ZNF333: variants seen among roughly 807,000 people sequenced by gnomAD.
ZNF333 encodes the protein zinc finger protein 333.
In ZNF333, 61 loss-of-function variants were observed where a neutral mutation model predicts 76.1. The observed-to-expected ratio is 0.80, with a 90% CI of 0.65 to 0.99. The LOEUF is 0.99. Ranked by LOEUF, ZNF333 falls within the 50% of genes least tolerant of loss-of-function variation. ZNF333 has a pLI of 0.00. For missense variants in ZNF333, 717 were observed against 822.4 expected (o/e 0.87, Z 1.57); for synonymous variants, 284 against 305.0 (o/e 0.93, Z 0.72).
At chr19:14,709,929 C>A (rs1184889104) in intron 7 of ZNF333, among the ~76,000 whole-genome samples, 1 of 152,210 alleles carries the variant, frequency 6.6e-6, no homozygotes, top group South Asian at 2.1e-4. Context: ...CTGACCTAGA[C>A]CATGATAAAT....
intron 9 of ZNF333, 103 bp downstream of exon 9, chr19:14,716,341 C>T: frequency 2.2e-6 from 3 of 1,359,520 alleles, no homozygotes; most frequent in East Asian, 2.4e-5. Flanking sequence ...TCACTGCAAC[C>T]TCCGCTTCCT....
rs1295519566 is a variant in ZNF333 at position 14,719,543 on chromosome 19, CTT to C, written c.*219_*220del. On this transcript the variant is annotated 3_prime_UTR_variant, in exon 12 of 12. Coordinates refer to ENST00000292530, the MANE Select transcript of ZNF333 (RefSeq NM_032433.4). ...ATATATTTTCATAGAGGTATAATGA[CTT>C]ATAGTGAAATGCATACATCTGAAGT... The C allele has an allele frequency of 1.8e-6, 2 of 1,091,012 alleles. No homozygotes were observed. Among genetic ancestry groups the C allele is most frequent in the African/African-American group, 1.6e-5 (1 of 62,572 alleles). 67.6% of individuals were successfully genotyped at this position (1,091,012 alleles called of 1,614,324 possible).
rs55742444 is a variant in ZNF333 at position 14,696,731 on chromosome 19, CTTT to C, written c.223+1093_223+1095del. Among the ~76,000 whole-genome samples, 606 of 82,730 alleles carry C rather than the reference CTTT, an allele frequency of 7.3e-3. 6 individuals carry two copies. Among genetic ancestry groups the C allele is most frequent in the African/African-American group, 0.022 (433 of 19,656 alleles). 54.3% of individuals were successfully genotyped at this position (82,730 alleles called of 152,430 possible). A position where few individuals can be genotyped will look rare whatever the true frequency, so the allele number is the denominator to read the frequency against. On this transcript the variant is annotated intron_variant, in intron 4 of 11. Transcript: ENST00000292530. ...GGCAGATTCCTCGTGACCTAATCAC[CTTT>C]TTTTTTTTTTTTTTTTTTTTTTGGG... is the stretch of plus-strand genomic sequence containing the variant.
Position 14,719,350 on chromosome 19 carries a change from A to C in ZNF333, c.*25A>C. On this transcript the variant is annotated 3_prime_UTR_variant, in exon 12 of 12. Coordinates refer to ENST00000292530, the MANE Select transcript of ZNF333 (RefSeq NM_032433.4). ...ACTTCCATTTTGTAAAAATATAAAC[A>C]CATGGGGCTATGACTTTCCCTCGTA... The C allele has an allele frequency of 6.4e-7, 1 of 1,570,670 alleles. No individual in the cohort carries two copies. Among genetic ancestry groups the C allele is most frequent in the Non-Finnish European group, 8.6e-7 (1 of 1,159,934 alleles).
chr19:14,703,701 G>A (rs770043700), intron 5 of ZNF333, among the ~76,000 whole-genome samples: 4 of 152,204 alleles, frequency 2.6e-5, no homozygotes, highest in Non-Finnish European at 5.9e-5. Flanking sequence ...AAACCACTCA[G>A]GATTTGTCAG....
intron 7 of ZNF333, among the ~76,000 whole-genome samples, chr19:14,710,809 A>G (rs1170251529): frequency 6.6e-6 from 1 of 152,108 alleles, no homozygotes; most frequent in Admixed American, 6.5e-5. Context: ...AAAGTAAATA[A>G]AAGAAGTGTA....
chr19:14,693,550 T>G, intron 2 of ZNF333, 56 bp downstream of exon 2: 1 of 1,554,678 alleles, frequency 6.4e-7, no homozygotes, highest in East Asian at 2.3e-5. Context: ...GATAACTATG[T>G]CCTCTGGGCC....
intron 7 of ZNF333, among the ~76,000 whole-genome samples, chr19:14,713,322 C>G (rs542520454): frequency 6.6e-6 from 1 of 152,272 alleles, no homozygotes; most frequent in African/African-American, 2.4e-5. Flanking sequence ...AGGCCTGGAA[C>G]AAATCCTCTA....
At chr19:14,698,905 T>TATATAG (rs1555771056) in intron 4 of ZNF333, among the ~76,000 whole-genome samples, 5 of 15,506 alleles carry the variant, frequency 3.2e-4, no homozygotes, top group Admixed American at 2.8e-3. Flanking sequence ...TATAGATATA[T>TATATAG]ATATATATAT....
chr19:14,697,002 G>A (rs377744695), intron 4 of ZNF333, among the ~76,000 whole-genome samples: 14 of 152,126 alleles, frequency 9.2e-5, no homozygotes, highest in African/African-American at 3.1e-4. Context: ...CTCACAAAAT[G>A]CTGGGATTAC....
Position 14,720,225 on chromosome 19 carries a change from CCTT to C in ZNF333, c.*904_*906del. 1 of 985,302 alleles carries C rather than the reference CCTT, an allele frequency of 1.0e-6. No homozygotes were observed. The highest frequency in any genetic ancestry group is 1.2e-6 in the Non-Finnish European group (1 of 829,902). The allele number at this position is 985,302 out of a possible 1,614,324, so 61.0% of individuals were successfully genotyped here. On this transcript the variant is annotated 3_prime_UTR_variant, in exon 12 of 12. Coordinates refer to ENST00000292530, the MANE Select transcript of ZNF333 (RefSeq NM_032433.4). ...TAAAAAAAAGCTTCCATCTCCCAGCCCTTCTTGCAAGCAAGGGCAGGCCATTTC... is the reference window on the plus strand; with the variant it reads ...TAAAAAAAAGCTTCCATCTCCCAGCCCTTGCAAGCAAGGGCAGGCCATTTC...
intron 9 of ZNF333, 34 bp from the exon 10 acceptor site, chr19:14,716,960 C>G (rs2042448606): frequency 1.3e-6 from 2 of 1,579,154 alleles, no homozygotes; most frequent in African/African-American, 2.7e-5. Flanking sequence ...ATGGCACAGT[C>G]CTCGCACAAC....
At chr19:14,715,620 A>G (rs898510173) in intron 8 of ZNF333, 150 bp downstream of exon 8, 11 of 691,560 alleles carry the variant, frequency 1.6e-5, no homozygotes, top group Middle Eastern at 2.7e-4. Context: ...GCAAGGGAGC[A>G]TGGGCCATGA....
chr19:14,728,520 T>C (rs1483955720), intron 11 of ZNF333, among the ~76,000 whole-genome samples: 1 of 152,196 alleles, frequency 6.6e-6, no homozygotes, highest in Admixed American at 6.5e-5. Context: ...CTTTGAAGAA[T>C]TTCTTGAAGC....
chr19:14,728,928 A>T (rs990829347), intron 11 of ZNF333, among the ~76,000 whole-genome samples: 1 of 152,188 alleles, frequency 6.6e-6, no homozygotes, highest in Non-Finnish European at 1.5e-5. Flanking sequence ...GGGTCGGCAC[A>T]ATGTAAGCTG....
At chr19:14,696,684 C>T (rs895663931) in intron 4 of ZNF333, among the ~76,000 whole-genome samples, 3 of 150,278 alleles carry the variant, frequency 2.0e-5, no homozygotes, top group Admixed American at 6.6e-5. Context: ...AGATAACTAA[C>T]CCCCTTCTGA....
intron 7 of ZNF333, among the ~76,000 whole-genome samples, chr19:14,712,439 C>T (rs1479714783): frequency 1.3e-5 from 2 of 152,056 alleles, no homozygotes; most frequent in Non-Finnish European, 1.5e-5. Flanking sequence ...AGGCTGGTCT[C>T]AAACTCCTGA....
At chr19:14,712,136 G>T (rs10414512) in intron 7 of ZNF333, among the ~76,000 whole-genome samples, 12 of 151,980 alleles carry the variant, frequency 7.9e-5, no homozygotes, top group African/African-American at 2.7e-4. Context: ...TCAGAGAGGG[G>T]TGAGATTTCT....
At chr19:14,706,404 CT>C in intron 6 of ZNF333, 6 of 446,996 alleles carry the variant, frequency 1.3e-5, no homozygotes, top group East Asian at 4.7e-5. Context: ...CCACTCCCCA[CT>C]TTTTTCCCAG....
Sources: allele counts gnomAD v4.1 joint callset (sites outside exome capture counted in the v4.1 genomes callset), GRCh38; gene constraint gnomAD v4.1.1; transcripts MANE v1.5; gene names NCBI Gene and HGNC (gene_info 2026-07-23, HGNC 2026-07-21).